Variants in TASP1 observed in about 807,000 individuals in gnomAD.
The protein encoded by TASP1 is taspase 1.
In TASP1, 16 loss-of-function variants were observed where a neutral mutation model predicts 56.6. The ratio of observed to expected loss-of-function variants is 0.28; its 90% CI spans 0.19 to 0.43. The LOEUF (loss-of-function observed/expected upper bound fraction) is 0.43. TASP1 is among the 20% of genes least tolerant of loss of function. TASP1 has a pLI of 1.00. For synonymous variants in TASP1, 179 were observed against 184.2 expected, an observed-to-expected ratio of 0.97 and a Z score of 0.23; for missense variants, 393 against 511.6, an observed-to-expected ratio of 0.77 and a Z score of 2.24.
the TASP1 span, among the ~76,000 whole-genome samples, chr20:13,136,788 A>G: frequency 6.7e-6 from 1 of 150,004 alleles, no homozygotes; most frequent in Non-Finnish European, 1.5e-5. Context: ...TAACAATGCA[A>G]TATTTTCTCT....
chr20:13,629,783 AC>A, intron 2 of TASP1, 150 bp downstream of exon 2: 1 of 1,155,516 alleles, frequency 8.7e-7, no homozygotes, highest in Non-Finnish European at 1.2e-6. Flanking sequence ...GGAGGTCCTC[AC>A]TATATCCAAG....
At chr20:13,382,125 G>A in the TASP1 span, among the ~76,000 whole-genome samples, 1 of 152,276 alleles carries the variant, frequency 6.6e-6, no homozygotes, top group Admixed American at 6.5e-5. Context: ...CTCAACCAGA[G>A]TGAATCTTCT....
At chr20:13,344,673 G>A in the TASP1 span, among the ~76,000 whole-genome samples, 4 of 152,272 alleles carry the variant, frequency 2.6e-5, no homozygotes, top group South Asian at 8.3e-4. Context: ...AATATGAAGC[G>A]TGAGGCAGAA....
chr20:13,483,555 A>G (rs1246777220), intron 10 of TASP1, among the ~76,000 whole-genome samples: 2 of 152,216 alleles, frequency 1.3e-5, no homozygotes, highest in Non-Finnish European at 2.9e-5. Flanking sequence ...AAGCAAACCA[A>G]TACAAATTAA....
chr20:13,469,606 TATC>T (rs1194283909), intron 11 of TASP1, among the ~76,000 whole-genome samples: 1 of 152,016 alleles, frequency 6.6e-6, no homozygotes, highest in Non-Finnish European at 1.5e-5. Flanking sequence ...ACTGACTCAG[TATC>T]ATCCCAAGAT....
At chr20:13,356,259 G>C in the TASP1 span, among the ~76,000 whole-genome samples, 3 of 152,346 alleles carry the variant, frequency 2.0e-5, no homozygotes, top group East Asian at 3.9e-4. Flanking sequence ...TGCAGCAGCT[G>C]TTATCCCAGT....
At chr20:13,109,046 A>AT in the TASP1 span, among the ~76,000 whole-genome samples, 1 of 152,122 alleles carries the variant, frequency 6.6e-6, no homozygotes, top group African/African-American at 2.4e-5. Flanking sequence ...AACCTCGGCC[A>AT]TTTTTTTCTT....
At chr20:13,110,093 T>G in the TASP1 span, 2 of 1,578,930 alleles carry the variant, frequency 1.3e-6, no homozygotes, top group Non-Finnish European at 1.7e-6. Flanking sequence ...TCAATTTTTT[T>G]TTTTGGTATT....
chr20:13,616,602 T>C (rs554608336), intron 4 of TASP1, among the ~76,000 whole-genome samples: 45 of 152,014 alleles, frequency 3.0e-4, no homozygotes, highest in South Asian at 1.9e-3. Context: ...GTAAAATTAA[T>C]CTAGAATGTA....
intron 12 of TASP1, among the ~76,000 whole-genome samples, chr20:13,429,605 G>GGTGTGTGTGAGTGTGT (rs2042732421): frequency 6.6e-6 from 1 of 150,958 alleles, no homozygotes; most frequent in Non-Finnish European, 1.5e-5. Flanking sequence ...ACCAGCACAG[G>GGTGTGTGTGAGTGTGT]GTGTGTGTGA....
the TASP1 span, among the ~76,000 whole-genome samples, chr20:13,377,665 T>C: frequency 1.3e-5 from 2 of 152,226 alleles, no homozygotes; most frequent in African/African-American, 2.4e-5. Context: ...CTCTTTTTTA[T>C]ATCTCTGGTA....
chr20:13,534,010 ATAAT>A lies in TASP1; in HGVS notation c.795+8_795+11del. 1 of 1,606,834 alleles carries A rather than the reference ATAAT, an allele frequency of 6.2e-7. No individual in the cohort carries two copies. The highest frequency in any genetic ancestry group is 8.5e-7 in the Non-Finnish European group (1 of 1,177,532). On this transcript the variant is annotated splice_region_variant and intron_variant, in intron 9 of 13. Coordinates refer to ENST00000337743, the MANE Select transcript of TASP1 (RefSeq NM_017714.3). ...TTTGAAAGGCTAGTTTAAAAAACCCATAATTACTTACCTGCCCAACTCTCCCCGG... is the reference window on the plus strand; with the variant it reads ...TTTGAAAGGCTAGTTTAAAAAACCCATACTTACCTGCCCAACTCTCCCCGG...
chr20:13,576,256 A>G (rs1241902206), intron 6 of TASP1, among the ~76,000 whole-genome samples: 1 of 147,562 alleles, frequency 6.8e-6, no homozygotes, highest in Non-Finnish European at 1.5e-5. Flanking sequence ...AGGGAAGATA[A>G]GAGAAGAGAA....
chr20:13,140,500 G>C, the TASP1 span, among the ~76,000 whole-genome samples: 1 of 152,118 alleles, frequency 6.6e-6, no homozygotes, highest in Non-Finnish European at 1.5e-5. Flanking sequence ...TTCCTATCAG[G>C]ATGGAGCTAA....
At chr20:13,153,413 C>T in the TASP1 span, among the ~76,000 whole-genome samples, 1 of 152,082 alleles carries the variant, frequency 6.6e-6, no homozygotes, top group African/African-American at 2.4e-5. Context: ...AGCAGGGGTC[C>T]CCCTCTTTCC....
chr20:13,524,430 C>G (rs2044892387), intron 10 of TASP1, among the ~76,000 whole-genome samples: 1 of 152,116 alleles, frequency 6.6e-6, no homozygotes, highest in Non-Finnish European at 1.5e-5. Context: ...GGTGAATAAT[C>G]TGTTTGAAAA....
the TASP1 span, among the ~76,000 whole-genome samples, chr20:13,122,828 A>G: frequency 6.6e-6 from 1 of 151,680 alleles, no homozygotes; most frequent in Admixed American, 6.6e-5. Context: ...TCCTACTGCC[A>G]CCCCTCCCCA....
At chr20:13,132,840 C>T in the TASP1 span, 1 of 152,300 alleles carries the variant, frequency 6.6e-6, no homozygotes, top group Admixed American at 6.5e-5. Flanking sequence ...CACCGAGCCT[C>T]AACCCATCCA....
At chr20:13,136,504 G>A in the TASP1 span, among the ~76,000 whole-genome samples, 1 of 151,760 alleles carries the variant, frequency 6.6e-6, no homozygotes, top group Non-Finnish European at 1.5e-5. Flanking sequence ...GGAGGAAGTG[G>A]TGGGAGGATC....
Sources: allele counts gnomAD v4.1 joint callset (sites outside exome capture counted in the v4.1 genomes callset), GRCh38; gene constraint gnomAD v4.1.1; transcripts MANE v1.5; gene names NCBI Gene and HGNC (gene_info 2026-07-23, HGNC 2026-07-21).